SPOCK1: variants seen among roughly 807,000 people sequenced by gnomAD.
The protein encoded by SPOCK1 is SPARC (osteonectin), cwcv and kazal like domains proteoglycan 1, also known as testican-1.
Under a neutral mutation model 55.3 loss-of-function variants are expected in SPOCK1, and 23 were observed. The observed-to-expected ratio is 0.42, with a 90% CI of 0.30 to 0.59. SPOCK1 has a LOEUF of 0.59. Among genes scored for constraint, SPOCK1 ranks in the 20% least tolerant of loss-of-function variants. SPOCK1 has a pLI of 0.22. For missense variants in SPOCK1, 499 were observed against 552.5 expected, an observed-to-expected ratio of 0.90 and a Z score of 0.97; for synonymous variants, 226 against 221.0, an observed-to-expected ratio of 1.02 and a Z score of -0.20.
intron 2 of SPOCK1, among the ~76,000 whole-genome samples, chr5:137,411,521 A>G (rs1224672760): frequency 6.6e-6 from 1 of 152,130 alleles, no homozygotes; most frequent in African/African-American, 2.4e-5. Flanking sequence ...AAGACATAAT[A>G]CTATTGGCAT....
intron 6 of SPOCK1, among the ~76,000 whole-genome samples, chr5:137,051,271 G>A (rs1341855783): frequency 3.3e-5 from 5 of 152,208 alleles, no homozygotes; most frequent in Non-Finnish European, 4.4e-5. Flanking sequence ...TGCAATCTAC[G>A]AATGGGTCCT....
rs753464743 is a variant in SPOCK1 at position 137,264,899 on chromosome 5, A to C, written c.232+2111T>G. Among the ~76,000 whole-genome samples, 5 of 152,166 alleles carry C rather than the reference A, an allele frequency of 3.3e-5. 1 individual carries two copies. The highest frequency in any genetic ancestry group is 7.3e-5 in the Non-Finnish European group (5 of 68,030). On this transcript the variant is annotated intron_variant, in intron 3 of 10. Transcript: ENST00000394945. ...TGTGCTCCTCATGGTTCTGTATATA[A>C]ATAGCCAACGGCAGCTACCCCTGAG...
At chr5:137,394,585 C>A (rs1269747540) in intron 2 of SPOCK1, among the ~76,000 whole-genome samples, 3 of 152,172 alleles carry the variant, frequency 2.0e-5, no homozygotes, top group Admixed American at 6.5e-5. Flanking sequence ...ACAGGCTATA[C>A]CCTTTAAAGG....
intron 3 of SPOCK1, among the ~76,000 whole-genome samples, chr5:137,161,146 CTCTAATATATAATA>C (rs1356630463): frequency 4.8e-5 from 7 of 145,830 alleles, no homozygotes; most frequent in Admixed American, 2.8e-4. Context: ...GTATATATAT[CTCTAATATATAATA>C]TATACGCTAT....
chr5:137,373,520 G>C (rs927699225), intron 2 of SPOCK1, among the ~76,000 whole-genome samples: 4 of 152,190 alleles, frequency 2.6e-5, no homozygotes, highest in Admixed American at 2.0e-4. Flanking sequence ...GCAGAATCCT[G>C]GTGAAGGGCC....
rs761052098 is a variant in SPOCK1, at chr5:136,983,418, G to A, written c.991+1722C>T. Among the ~76,000 whole-genome samples the A allele has an allele frequency of 4.6e-5, 7 of 152,178 alleles. No individual in the cohort carries two copies. The East Asian group carries it at 5.8e-4, about 13-fold the overall frequency. Reference sequence around the variant, plus strand: ...CTATCACTTAGGAAAGGCTGCTGATGCCACAGTTAGAAGCTTAGTGGTATC... The same window carrying A: ...CTATCACTTAGGAAAGGCTGCTGATACCACAGTTAGAAGCTTAGTGGTATC... On this transcript the variant is annotated intron_variant, in intron 9 of 10. Transcript: ENST00000394945.
intron 2 of SPOCK1, among the ~76,000 whole-genome samples, chr5:137,432,560 C>T (rs1468679813): frequency 6.6e-6 from 1 of 152,002 alleles, no homozygotes; most frequent in Admixed American, 6.6e-5. Context: ...CTAGAGTAGT[C>T]AAACTATTCA....
At chr5:137,460,007 G>T (rs1753446908) in intron 2 of SPOCK1, among the ~76,000 whole-genome samples, 1 of 152,198 alleles carries the variant, frequency 6.6e-6, no homozygotes, top group South Asian at 2.1e-4. Flanking sequence ...TACAGTATGG[G>T]AAAGAATCTG....
chr5:137,070,539 C>T (rs58117681), intron 5 of SPOCK1, among the ~76,000 whole-genome samples: 18,155 of 152,236 alleles, frequency 0.12, 1,298 homozygotes, highest in East Asian at 0.23. Flanking sequence ...CTTTGCTGCT[C>T]TGGACCTCTG....
intron 2 of SPOCK1, among the ~76,000 whole-genome samples, chr5:137,358,387 C>CG (rs2127164719): frequency 1.3e-5 from 1 of 79,082 alleles, no homozygotes; most frequent in East Asian, 5.3e-4. Flanking sequence ...ACCTTCATGA[C>CG]GGAAAGGAAG....
At chr5:137,175,900 G>T (rs886988514) in intron 3 of SPOCK1, among the ~76,000 whole-genome samples, 1 of 152,054 alleles carries the variant, frequency 6.6e-6, no homozygotes, top group Non-Finnish European at 1.5e-5. Context: ...CGACTTCTTG[G>T]GGAAAATGCA....
At chr5:137,169,917 G>A (rs370360445) in intron 3 of SPOCK1, among the ~76,000 whole-genome samples, 117 of 152,180 alleles carry the variant, frequency 7.7e-4, no homozygotes, top group African/African-American at 2.7e-3. Context: ...ATTCATTTCT[G>A]GCAGAAAGCC....
intron 2 of SPOCK1, among the ~76,000 whole-genome samples, chr5:137,435,135 G>A (rs1474776256): frequency 6.6e-6 from 1 of 152,124 alleles, no homozygotes; most frequent in Non-Finnish European, 1.5e-5. Flanking sequence ...ATGATATCAA[G>A]TACATTTAAT....
intron 2 of SPOCK1, among the ~76,000 whole-genome samples, chr5:137,397,374 C>T (rs768931231): frequency 6.6e-6 from 1 of 152,198 alleles, no homozygotes; most frequent in African/African-American, 2.4e-5. Flanking sequence ...CTGGGCTGTA[C>T]ATGTGATCGT....
intron 1 of SPOCK1, 45 bp from the exon 2 acceptor site, chr5:137,498,603 G>A (rs1349927679): frequency 6.3e-6 from 8 of 1,271,546 alleles, no homozygotes; most frequent in Non-Finnish European, 7.9e-6. Context: ...AGGGCGGGCG[G>A]CCGCGAGCCC....
chr5:137,306,774 AT>A (rs1357341592), intron 2 of SPOCK1, among the ~76,000 whole-genome samples: 2 of 151,356 alleles, frequency 1.3e-5, no homozygotes, highest in African/African-American at 4.9e-5. Context: ...TAATTTTGTG[AT>A]TATTTATTTT....
At chr5:137,459,605 T>C (rs1001605976) in intron 2 of SPOCK1, among the ~76,000 whole-genome samples, 4 of 152,116 alleles carry the variant, frequency 2.6e-5, no homozygotes, top group African/African-American at 9.7e-5. Flanking sequence ...ATGGGGAATA[T>C]ACTCCCACCC....
chr5:137,384,744 C>T (rs183130556), intron 2 of SPOCK1, among the ~76,000 whole-genome samples: 11 of 152,192 alleles, frequency 7.2e-5, no homozygotes, highest in Admixed American at 2.0e-4. Flanking sequence ...CCTCCAACTG[C>T]ACATGGCCTT....
intron 3 of SPOCK1, among the ~76,000 whole-genome samples, chr5:137,220,778 G>A (rs556984707): frequency 2.0e-5 from 3 of 152,314 alleles, no homozygotes; most frequent in African/African-American, 7.2e-5. Flanking sequence ...ATAGGTAGGT[G>A]AGTGAGTGAA....
Sources: gnomAD v4.1 joint callset for allele counts (sites outside exome capture counted in the v4.1 genomes callset) on GRCh38, gnomAD v4.1.1 for gene constraint, MANE v1.5 for transcripts, NCBI Gene and HGNC (gene_info 2026-07-23, HGNC 2026-07-21) for gene names.